Variants in PPA2 observed in about 807,000 individuals in gnomAD.
PPA2 encodes inorganic pyrophosphatase 2, mitochondrial.
PPA2 carries 48 observed loss-of-function variants against 49.5 expected under a neutral mutation model. The observed-to-expected ratio is 0.97, with a 90% confidence interval of 0.77 to 1.23. The LOEUF is 1.23. Among genes scored for constraint, PPA2 ranks in the 50% most tolerant of loss-of-function variants. The pLI is 0.00. For synonymous variants in PPA2, 131 were observed against 139.9 expected (o/e 0.94, Z 0.45); for missense variants, 429 against 410.1 (o/e 1.05, Z -0.40).
intron 1 of PPA2, among the ~76,000 whole-genome samples, chr4:105,458,537 A>T (rs935778303): frequency 1.3e-5 from 2 of 152,122 alleles, no homozygotes; most frequent in Admixed American, 6.5e-5. Flanking sequence ...ACAAAAACAG[A>T]GGCATGGCCG....
At chr4:105,441,089 C>A (rs1471665252) in intron 5 of PPA2, among the ~76,000 whole-genome samples, 1 of 152,146 alleles carries the variant, frequency 6.6e-6, no homozygotes, top group Non-Finnish European at 1.5e-5. Flanking sequence ...TGGTTATGCC[C>A]TCTTGTGGAG....
At position 105,424,960 on chromosome 4, in the gene PPA2, A is replaced by T. The variant is rs139800120; in HGVS notation, c.529-638T>A. On this transcript the variant is annotated intron_variant, in intron 6 of 11. Coordinates refer to ENST00000341695, the MANE Select transcript of PPA2 (RefSeq NM_176869.3). ...CCTATAAAATGAGTTCCAACCACCC[A>T]GGAAAACCTCATTTACCACAAGGGG... Among the ~76,000 whole-genome samples, 321 of 152,352 alleles carry T rather than the reference A, an allele frequency of 2.1e-3. 5 individuals carry two copies. The highest frequency in any genetic ancestry group is 0.014 in the Middle Eastern group (4 of 294).
intron 10 of PPA2, among the ~76,000 whole-genome samples, chr4:105,371,277 G>C (rs931959043): frequency 6.6e-6 from 1 of 152,116 alleles, no homozygotes; most frequent in Non-Finnish European, 1.5e-5. Flanking sequence ...AAATTTATCT[G>C]TCTTCTAGAA....
At chr4:105,406,310 T>C (rs928080210) in intron 7 of PPA2, among the ~76,000 whole-genome samples, 2 of 152,066 alleles carry the variant, frequency 1.3e-5, no homozygotes, top group African/African-American at 4.8e-5. Context: ...GTGTTAGTGA[T>C]TGTAAGACAA....
intron 7 of PPA2, among the ~76,000 whole-genome samples, chr4:105,422,956 C>T (rs1309480821): frequency 2.0e-5 from 3 of 152,116 alleles, no homozygotes; most frequent in Admixed American, 6.5e-5. Flanking sequence ...TGATTTGTTT[C>T]GGCTGCCTGT....
chr4:105,468,844 C>T (rs1237089171), intron 1 of PPA2, among the ~76,000 whole-genome samples: 1 of 152,188 alleles, frequency 6.6e-6, no homozygotes, highest in Non-Finnish European at 1.5e-5. Context: ...TGTAGTACAA[C>T]TTAAACTAAT....
intron 10 of PPA2, among the ~76,000 whole-genome samples, chr4:105,379,630 A>ATTTTT (rs70964652): frequency 2.8e-4 from 36 of 127,684 alleles, no homozygotes; most frequent in African/African-American, 5.4e-4. Context: ...CGCCTGGCTA[A>ATTTTT]TTTTTTTTTT....
intron 6 of PPA2, among the ~76,000 whole-genome samples, chr4:105,430,212 G>T (rs188695260): frequency 1.3e-5 from 2 of 152,230 alleles, no homozygotes; most frequent in Admixed American, 1.3e-4. Flanking sequence ...AAAAATACTA[G>T]AATTTCAAGT....
At chr4:105,410,046 G>A (rs529227962) in intron 7 of PPA2, among the ~76,000 whole-genome samples, 2 of 152,370 alleles carry the variant, frequency 1.3e-5, no homozygotes, top group East Asian at 3.9e-4. Context: ...ATGGAACAAA[G>A]CTGGATGGAG....
At chr4:105,416,967 A>C (rs1345775999) in intron 7 of PPA2, among the ~76,000 whole-genome samples, 1 of 152,238 alleles carries the variant, frequency 6.6e-6, no homozygotes, top group Non-Finnish European at 1.5e-5. Context: ...GCACTGTAGC[A>C]GAAAAACCTC....
intron 6 of PPA2, among the ~76,000 whole-genome samples, chr4:105,435,739 C>T (rs1248302852): frequency 3.9e-5 from 6 of 152,040 alleles, no homozygotes; most frequent in Non-Finnish European, 7.4e-5. Context: ...AGAAAAAGCA[C>T]GTGATAAAAT....
intron 5 of PPA2, 71 bp from the exon 6 acceptor site, chr4:105,438,107 A>C: frequency 2.8e-6 from 3 of 1,089,144 alleles, no homozygotes; most frequent in Non-Finnish European, 3.9e-6. Context: ...CTTTCCACAT[A>C]ATCACAAAGT....
chr4:105,450,598 A>ATTTTTTTTTTTTTTTTT (rs1560637285), intron 3 of PPA2, among the ~76,000 whole-genome samples: 2 of 63,318 alleles, frequency 3.2e-5, no homozygotes, highest in Non-Finnish European at 6.4e-5. Flanking sequence ...CTGGTCTGGA[A>ATTTTTTTTTTTTTTTTT]TTCTTTTTTT....
chr4:105,442,990 G>A (rs1560633599), intron 5 of PPA2, among the ~76,000 whole-genome samples: 13 of 152,100 alleles, frequency 8.5e-5, no homozygotes. Context: ...CATTAAGCTG[G>A]GTAGTCAGAA....
intron 1 of PPA2, 76 bp from the exon 2 acceptor site, chr4:105,456,821 A>C (rs1722893146): frequency 8.2e-6 from 9 of 1,103,720 alleles, no homozygotes; most frequent in Non-Finnish European, 1.1e-5. Flanking sequence ...AATAATAAAC[A>C]TCCTTATCCA....
intron 7 of PPA2, among the ~76,000 whole-genome samples, chr4:105,417,280 C>T (rs746379271): frequency 1.3e-5 from 2 of 152,120 alleles, no homozygotes; most frequent in African/African-American, 4.8e-5. Flanking sequence ...TTTCCCACAG[C>T]ACTAACTTTG....
chr4:105,413,996 T>C (rs556757479), intron 7 of PPA2, among the ~76,000 whole-genome samples: 13 of 152,318 alleles, frequency 8.5e-5, no homozygotes, highest in African/African-American at 2.9e-4. Flanking sequence ...AACTCTGGTA[T>C]ACCAAAAGAA....
intron 6 of PPA2, among the ~76,000 whole-genome samples, chr4:105,437,395 A>G (rs1332969117): frequency 1.3e-5 from 2 of 152,210 alleles, no homozygotes. Flanking sequence ...CCAAAGACAT[A>G]TAGAAGAATT....
chr4:105,428,477 T>C (rs1385864587), intron 6 of PPA2, among the ~76,000 whole-genome samples: 2 of 149,984 alleles, frequency 1.3e-5, no homozygotes, highest in Non-Finnish European at 3.0e-5. Flanking sequence ...GAGACACAGA[T>C]AGGCTTAAAA....
Sources: gnomAD v4.1 joint callset for allele counts (sites outside exome capture counted in the v4.1 genomes callset) on GRCh38, gnomAD v4.1.1 for gene constraint, MANE v1.5 for transcripts, NCBI Gene and HGNC (gene_info 2026-07-23, HGNC 2026-07-21) for gene names.